Variants in TOP1MT observed in about 807,000 individuals in gnomAD.
TOP1MT encodes DNA topoisomerase I, mitochondrial.
A neutral mutation model predicts 73.9 loss-of-function variants in TOP1MT; 80 were observed. The ratio of observed to expected loss-of-function variants is 1.08; its 90% CI spans 0.90 to 1.30. TOP1MT has a LOEUF of 1.30. Ranked by LOEUF, TOP1MT falls within the 50% of genes most tolerant of loss-of-function variation. The pLI is 0.00. For synonymous variants in TOP1MT, 338 were observed against 326.4 expected (o/e 1.04, Z -0.38); for missense variants, 815 against 808.0 (o/e 1.01, Z -0.10).
At chr8:143,329,088 C>G (rs933777429) in intron 3 of TOP1MT, among the ~76,000 whole-genome samples, 2 of 152,168 alleles carry the variant, frequency 1.3e-5, no homozygotes, top group African/African-American at 4.8e-5. Context: ...CATCCACAGC[C>G]TGCCTGGGAA....
intron 3 of TOP1MT, among the ~76,000 whole-genome samples, chr8:143,328,755 C>T (rs1039556817): frequency 5.3e-5 from 8 of 152,242 alleles, no homozygotes; most frequent in Admixed American, 1.3e-4. Flanking sequence ...AGAGGAAACG[C>T]GACCCGGCCA....
At chr8:143,325,969 C>T (rs750258308) in intron 4 of TOP1MT, among the ~76,000 whole-genome samples, 1 of 152,250 alleles carries the variant, frequency 6.6e-6, no homozygotes, top group Non-Finnish European at 1.5e-5. Flanking sequence ...CCTCAGCCCA[C>T]GGCCCGTCTG....
At chr8:143,353,697 T>A (rs556653748) in intron 1 of TOP1MT, among the ~76,000 whole-genome samples, 1 of 151,998 alleles carries the variant, frequency 6.6e-6, no homozygotes, top group Non-Finnish European at 1.5e-5. Flanking sequence ...AATAAGTTTA[T>A]TGGGGCCGGA....
Position 143,320,289 on chromosome 8 carries a change from C to T in TOP1MT, c.1146+912G>A, listed in dbSNP as rs554833316. Among the ~76,000 whole-genome samples the T allele has an allele frequency of 5.9e-5, 9 of 152,084 alleles. No individual in the cohort carries two copies. The South Asian group carries it at 1.0e-3, about 18-fold the overall frequency. On this transcript the variant is annotated intron_variant, in intron 8 of 13. Coordinates refer to ENST00000329245, the MANE Select transcript of TOP1MT (RefSeq NM_052963.3). The stretch of plus-strand genomic sequence containing the variant: ...GACTATAGGCGCTCGCCACGATGCC[C>T]GGCTAATTTTTTTTGTATTTTTAGT...
At chr8:143,326,014 C>T (rs189336369) in intron 4 of TOP1MT, among the ~76,000 whole-genome samples, 97 of 152,350 alleles carry the variant, frequency 6.4e-4, no homozygotes, top group Admixed American at 3.5e-3. Flanking sequence ...GTAAATTATC[C>T]ATTTCAAACC....
intron 7 of TOP1MT, among the ~76,000 whole-genome samples, chr8:143,322,686 ACGCACGCCACACGCACGCCACACG>A: frequency 1.0e-5 from 1 of 97,012 alleles, no homozygotes; most frequent in Admixed American, 9.9e-5. Context: ...CACGCCACAC[ACGCACGCCACACGCACGCCACACG>A]CACGCCACAC....
chr8:143,340,526 C>T (rs1293163315), intron 2 of TOP1MT, among the ~76,000 whole-genome samples: 1 of 152,090 alleles, frequency 6.6e-6, no homozygotes, highest in Non-Finnish European at 1.5e-5. Flanking sequence ...CCCCTCCTTC[C>T]ACTTCTCTCT....
chr8:143,347,490 T>A (rs1023572257), upstream of TOP1MT, among the ~76,000 whole-genome samples: 3 of 152,152 alleles, frequency 2.0e-5, no homozygotes, highest in Non-Finnish European at 4.4e-5. Flanking sequence ...GGGGTTTCAC[T>A]ATATGTTGGC....
At chr8:143,333,612 G>C (rs1816916699) in intron 1 of TOP1MT, among the ~76,000 whole-genome samples, 1 of 152,152 alleles carries the variant, frequency 6.6e-6, no homozygotes, top group South Asian at 2.1e-4. Flanking sequence ...TGCACCACTG[G>C]GTGTGCGCTC....
chr8:143,345,673 G>C (rs1350779537), upstream of TOP1MT, among the ~76,000 whole-genome samples: 1 of 152,210 alleles, frequency 6.6e-6, no homozygotes. Context: ...ATAAATTATA[G>C]AAGAATACAT....
At chr8:143,345,492 C>A (rs748841723), upstream of TOP1MT, among the ~76,000 whole-genome samples, 2 of 152,248 alleles carry the variant, frequency 1.3e-5, no homozygotes, top group African/African-American at 4.8e-5. Context: ...CCTGCTGCCA[C>A]GCGCGGCTGG....
intron 7 of TOP1MT, among the ~76,000 whole-genome samples, chr8:143,323,250 GGCACGCCACACACAT>G (rs1223528958): frequency 4.2e-4 from 12 of 28,310 alleles, no homozygotes; most frequent in South Asian, 1.4e-3. Flanking sequence ...CACACACACA[GGCACGCCACACACAT>G]GCACGCCACA....
At chr8:143,355,323 T>C (rs951066800) in intron 1 of TOP1MT, 17 of 152,220 alleles carry the variant, frequency 1.1e-4, no homozygotes, top group African/African-American at 4.1e-4. Flanking sequence ...CATCCTACCT[T>C]AGATTCTACT....
intron 5 of TOP1MT, among the ~76,000 whole-genome samples, 193 bp from the exon 6 acceptor site, chr8:143,324,822 A>G (rs555845710): frequency 6.6e-6 from 1 of 152,274 alleles, no homozygotes; most frequent in East Asian, 1.9e-4. Context: ...CTCTGCACAC[A>G]CAGGAAGGCC....
At chr8:143,328,814 G>C (rs1258880783) in intron 3 of TOP1MT, among the ~76,000 whole-genome samples, 1 of 152,240 alleles carries the variant, frequency 6.6e-6, no homozygotes. Flanking sequence ...AGCCTCGCAG[G>C]TGTGGGGCAG....
chr8:143,331,264 T>A lies in TOP1MT; in HGVS notation c.198A>T (p.Pro66=). Residue 66 remains proline, a synonymous_variant, in exon 2 of 14, where the codon CCA becomes CCT. Transcript: ENST00000329245. ...GCACTCCGTCGGGAAGGGGCTCGTA[T>A]GGGGGTGCGAAGTACGGGCCCTTGT... ...LEHKGPYFAP[P]YEPLPDGVRF... 6.2e-7 allele frequency: 1 copy of A among 1,612,112 alleles called. No homozygotes were observed. Among genetic ancestry groups the A allele is most frequent in the Non-Finnish European group, 8.5e-7 (1 of 1,178,558 alleles).
chr8:143,339,509 G>A (rs914952268), upstream of TOP1MT, among the ~76,000 whole-genome samples: 27 of 152,140 alleles, frequency 1.8e-4, no homozygotes, highest in African/African-American at 6.5e-4. Context: ...ACTTCATAGA[G>A]GACTGACCAA....
At chr8:143,321,994 G>A in intron 7 of TOP1MT, among the ~76,000 whole-genome samples, 1 of 33,518 alleles carries the variant, frequency 3.0e-5, no homozygotes, top group Admixed American at 6.1e-4. Flanking sequence ...CCACACACAT[G>A]CACGCCACAC....
Position 143,315,757 on chromosome 8 carries a change from T to C in TOP1MT, c.1523A>G (p.His508Arg), listed in dbSNP as rs768668650. 59 of 1,613,978 alleles carry C rather than the reference T, an allele frequency of 3.7e-5. No homozygotes were observed. The highest frequency in any genetic ancestry group is 4.9e-5 in the Non-Finnish European group (58 of 1,180,028). ...RAELRRARAE[H>R]KAQGDGKSRS... ...GGACTTGCCATCCCCTTGGGCTTTG[T>C]GCTCAGCCCTCGCCCTCCTCAGCTC... The change falls in exon 12 of 14, where the codon CAC becomes CGC. Residue 508 changes from histidine (H) to arginine (R), a missense_variant. Physicochemically the swap from His to Arg is conservative, Grantham distance 29. Around this residue, in one of 3 missense-constraint regions of TOP1MT, gnomAD observed 751 missense variants for 725.4 expected, o/e 1.04. Transcript: ENST00000329245.
Sources: allele counts gnomAD v4.1 joint callset (sites outside exome capture counted in the v4.1 genomes callset), GRCh38; gene constraint gnomAD v4.1.1; regional missense constraint gnomAD v4.1.1; transcripts MANE v1.5; gene names NCBI Gene and HGNC (gene_info 2026-07-23, HGNC 2026-07-21).